Variants in STARD13 observed in about 807,000 individuals in gnomAD.
The protein encoded by STARD13 is stAR-related lipid transfer protein 13.
In STARD13, 62 loss-of-function variants were observed where a neutral mutation model predicts 106.4. The ratio of observed to expected loss-of-function variants is 0.58; its 90% CI spans 0.48 to 0.72. The LOEUF (loss-of-function observed/expected upper bound fraction) is 0.72. Among genes scored for constraint, STARD13 ranks in the 30% least tolerant of loss-of-function variants. The pLI is 0.00. For synonymous variants in STARD13, 565 were observed against 553.0 expected (o/e 1.02, Z -0.31); for missense variants, 1,387 against 1,424.0 (o/e 0.97, Z 0.42).
chr13:33,326,121 A>C (rs1182022556), intron 1 of STARD13, among the ~76,000 whole-genome samples: 2 of 151,918 alleles, frequency 1.3e-5, no homozygotes, highest in Non-Finnish European at 2.9e-5. Flanking sequence ...ACTGCACTTC[A>C]GTGGAGTTAA....
the STARD13 span, among the ~76,000 whole-genome samples, chr13:33,419,176 A>T: frequency 2.0e-5 from 3 of 152,346 alleles, no homozygotes; most frequent in African/African-American, 7.2e-5. Context: ...TCCAAGCTAA[A>T]GGAACATGTT....
chr13:33,436,738 G>A, the STARD13 span, among the ~76,000 whole-genome samples: 482 of 152,286 alleles, frequency 3.2e-3, 1 homozygote, highest in Non-Finnish European at 4.8e-3. Flanking sequence ...CTCTTAATCT[G>A]TAGTGAAAGC....
chr13:33,657,844 A>G, the STARD13 span, among the ~76,000 whole-genome samples: 1 of 152,222 alleles, frequency 6.6e-6, no homozygotes, highest in Non-Finnish European at 1.5e-5. Context: ...TCTGATGATT[A>G]TGGGTGTTTT....
chr13:33,223,753 A>G (rs746975873), intron 1 of STARD13, among the ~76,000 whole-genome samples: 28 of 152,034 alleles, frequency 1.8e-4, no homozygotes, highest in Non-Finnish European at 3.7e-4. Flanking sequence ...TCTATCTTGT[A>G]AGTATGCCCT....
At chr13:33,238,858 A>T (rs1889325862) in intron 1 of STARD13, among the ~76,000 whole-genome samples, 1 of 152,154 alleles carries the variant, frequency 6.6e-6, no homozygotes, top group South Asian at 2.1e-4. Context: ...AAAAAAACAC[A>T]ACATAAAATT....
chr13:33,285,405 G>A, intron 1 of STARD13, 65 bp downstream of exon 1: 1 of 1,514,596 alleles, frequency 6.6e-7, no homozygotes, highest in Non-Finnish European at 8.9e-7. Context: ...AAAAAACTGG[G>A]TTAGCATGAA....
At chr13:33,442,249 C>T in the STARD13 span, among the ~76,000 whole-genome samples, 12 of 152,068 alleles carry the variant, frequency 7.9e-5, no homozygotes, top group Admixed American at 1.3e-4. Flanking sequence ...CAATTGCTGC[C>T]GAAAAATTTA....
At chr13:33,167,718 G>A (rs772689720) in intron 1 of STARD13, 96 bp from the exon 2 acceptor site, 34 of 1,311,160 alleles carry the variant, frequency 2.6e-5, no homozygotes, top group Non-Finnish European at 3.6e-5. Context: ...CTTTGTGCAA[G>A]TTATTACAAA....
At chr13:33,290,679 G>A (rs938755226), upstream of STARD13, among the ~76,000 whole-genome samples, 3 of 152,224 alleles carry the variant, frequency 2.0e-5, no homozygotes, top group Admixed American at 6.5e-5. Context: ...CCATCTATGG[G>A]CCTCCAGGAG....
chr13:33,424,132 A>G, the STARD13 span, among the ~76,000 whole-genome samples: 704 of 152,282 alleles, frequency 4.6e-3, 5 homozygotes, highest in Middle Eastern at 0.017. Flanking sequence ...TAACAAAAAA[A>G]AAATCTGTTA....
intron 4 of STARD13, among the ~76,000 whole-genome samples, chr13:33,136,253 A>C (rs1018310608): frequency 1.3e-5 from 2 of 152,266 alleles, no homozygotes; most frequent in African/African-American, 4.8e-5. Context: ...GATGAACAAC[A>C]AAAATGGTAT....
chr13:33,581,572 G>A, the STARD13 span, among the ~76,000 whole-genome samples: 5 of 152,008 alleles, frequency 3.3e-5, no homozygotes, highest in South Asian at 2.1e-4. Flanking sequence ...TCCTATTTAC[G>A]TAGACTGTAC....
chr13:33,567,244 A>G, the STARD13 span, among the ~76,000 whole-genome samples: 7 of 148,720 alleles, frequency 4.7e-5, 1 homozygote, highest in Non-Finnish European at 1.0e-4. Context: ...ATAACAAACA[A>G]GAAAATAAAA....
At chr13:33,518,128 T>C in the STARD13 span, among the ~76,000 whole-genome samples, 201 of 152,264 alleles carry the variant, frequency 1.3e-3, no homozygotes, top group African/African-American at 3.9e-3. Context: ...GAGCACAGAC[T>C]TCTAGACAGG....
At chr13:33,557,410 A>G in the STARD13 span, among the ~76,000 whole-genome samples, 1 of 152,160 alleles carries the variant, frequency 6.6e-6, no homozygotes, top group South Asian at 2.1e-4. Context: ...TTGAATTTTC[A>G]TGTTATTCTA....
chr13:33,303,805 T>G (rs1449092348), intron 1 of STARD13, among the ~76,000 whole-genome samples: 1 of 152,100 alleles, frequency 6.6e-6, no homozygotes, highest in African/African-American at 2.4e-5. Flanking sequence ...TGAACCATCA[T>G]CCCAGTTGAT....
At chr13:33,112,357 T>A (rs533237809) in intron 9 of STARD13, among the ~76,000 whole-genome samples, 1 of 152,350 alleles carries the variant, frequency 6.6e-6, no homozygotes, top group Non-Finnish European at 1.5e-5. Context: ...CTCACAAGAT[T>A]TTCTGATTAT....
the STARD13 span, among the ~76,000 whole-genome samples, chr13:33,531,907 AAT>A: frequency 3.9e-5 from 6 of 152,182 alleles, no homozygotes; most frequent in Admixed American, 6.5e-5. Flanking sequence ...TTATACACTT[AAT>A]AGTCTCAAAA....
chr13:33,565,009 AAAAG>A, the STARD13 span, among the ~76,000 whole-genome samples: 23 of 146,604 alleles, frequency 1.6e-4, 2 homozygotes, highest in African/African-American at 5.0e-4. Context: ...AAAAAAGAAA[AAAAG>A]AAAAAAAAAT....
Sources: gnomAD v4.1 joint callset for allele counts (sites outside exome capture counted in the v4.1 genomes callset) on GRCh38, gnomAD v4.1.1 for gene constraint, MANE v1.5 for transcripts, NCBI Gene and HGNC (gene_info 2026-07-23, HGNC 2026-07-21) for gene names.